The following KATNBL1 variants were observed in gnomAD, a reference collection of about 807,000 sequenced individuals.
The protein encoded by KATNBL1 is katanin regulatory subunit B1 like 1.
Under a neutral mutation model 44.7 loss-of-function variants are expected in KATNBL1, and 28 were observed. That is an observed-to-expected ratio of 0.63 (90% CI 0.46 to 0.86). The LOEUF (loss-of-function observed/expected upper bound fraction) is 0.86, where lower values mean the gene tolerates loss of function less well. KATNBL1 is among the 40% of genes least tolerant of loss of function. The probability of loss-of-function intolerance (pLI) is 0.00; values close to 1 mark genes in which losing one functional copy is unlikely to be tolerated. For missense variants in KATNBL1, 272 were observed against 350.7 expected (o/e 0.78, Z 1.79); for synonymous variants, 78 against 114.9 (o/e 0.68, Z 2.06).
Position 34,178,929 on chromosome 15 carries a change from T to C in KATNBL1, c.-14-15239A>G, listed in dbSNP as rs113022926. Among the ~76,000 whole-genome samples, 1,131 of 152,268 alleles carry C rather than the reference T, an allele frequency of 7.4e-3. 15 individuals carry two copies. The highest frequency in any genetic ancestry group is 0.025 in the African/African-American group (1,052 of 41,536). ...TGCAGTATTTCCATAACCACAGTAT[T>C]ATCTGTAGTTATGTTTCAAAATGCA... is the stretch of plus-strand genomic sequence containing the variant. On this transcript the variant is annotated intron_variant, in intron 1 of 9. Coordinates refer to ENST00000256544, the MANE Select transcript of KATNBL1 (RefSeq NM_024713.3).
chr15:34,207,201 G>A (rs1014097910), intron 1 of KATNBL1, among the ~76,000 whole-genome samples: 2 of 151,442 alleles, frequency 1.3e-5, no homozygotes, highest in African/African-American at 4.9e-5. Flanking sequence ...CACTACACCT[G>A]CCTAATTTTA....
intron 9 of KATNBL1, among the ~76,000 whole-genome samples, chr15:34,143,597 C>CATG (rs1888215720): frequency 6.6e-6 from 1 of 151,386 alleles, no homozygotes; most frequent in Non-Finnish European, 1.5e-5. Context: ...GCTCTAAAAA[C>CATG]CTAAAACAAC....
chr15:34,206,811 A>T (rs1474615866), intron 1 of KATNBL1, among the ~76,000 whole-genome samples: 1 of 152,014 alleles, frequency 6.6e-6, no homozygotes. Flanking sequence ...AAAAGAAAAG[A>T]AAAGTCAAAT....
chr15:34,154,415 C>T (rs1372085423), intron 3 of KATNBL1, among the ~76,000 whole-genome samples: 1 of 152,198 alleles, frequency 6.6e-6, no homozygotes. Flanking sequence ...TAAGTTTTCT[C>T]ATCAACTGTT....
At chr15:34,206,864 AC>A (rs1159648305) in intron 1 of KATNBL1, among the ~76,000 whole-genome samples, 1 of 152,110 alleles carries the variant, frequency 6.6e-6, no homozygotes, top group African/African-American at 2.4e-5. Context: ...CAGTAAAAGT[AC>A]CATTTGTATT....
At chr15:34,199,218 C>A (rs1890103410) in intron 1 of KATNBL1, among the ~76,000 whole-genome samples, 1 of 152,216 alleles carries the variant, frequency 6.6e-6, no homozygotes, top group African/African-American at 2.4e-5. Context: ...GTGGGCGGAT[C>A]ACGAGGTCAG....
In KATNBL1 at chr15:34,141,600, C is replaced by A. The variant is rs973707095; in HGVS notation, c.*739G>T. ...TTCATACATGACATGATGATTCTGG[C>A]AAAAAATATCAGAGATACTAAAACT... On this transcript the variant is annotated 3_prime_UTR_variant, in exon 10 of 10. Transcript: ENST00000256544. 1 of 152,378 alleles carries A rather than the reference C, an allele frequency of 6.6e-6. No homozygotes were observed. The highest frequency in any genetic ancestry group is 2.4e-5 in the African/African-American group (1 of 41,400). 9.4% of individuals were successfully genotyped at this position (152,378 alleles called of 1,614,324 possible).
chr15:34,195,085 C>T (rs1047273338), intron 1 of KATNBL1, among the ~76,000 whole-genome samples: 1 of 152,064 alleles, frequency 6.6e-6, no homozygotes, highest in African/African-American at 2.4e-5. Flanking sequence ...TCCAGCAATC[C>T]CACTACTGGG....
chr15:34,187,311 G>A (rs189858679), intron 1 of KATNBL1, among the ~76,000 whole-genome samples: 3 of 152,196 alleles, frequency 2.0e-5, no homozygotes, highest in Admixed American at 1.3e-4. Flanking sequence ...TCAACTGGAC[G>A]ACCTGCCTAC....
In KATNBL1 at chr15:34,148,916, C is replaced by A. The variant is rs145906288; in HGVS notation, c.439-166G>T. On this transcript the variant is annotated intron_variant, in intron 4 of 9. Coordinates refer to ENST00000256544, the MANE Select transcript of KATNBL1 (RefSeq NM_024713.3). Reference sequence around the variant, plus strand: ...CAGTTGACCACAGTAAACAAATGATCTGAACAAATTTAAGACCCATTTATA... The same window carrying A: ...CAGTTGACCACAGTAAACAAATGATATGAACAAATTTAAGACCCATTTATA... Among the ~76,000 whole-genome samples, 606 of 152,292 alleles carry A rather than the reference C, an allele frequency of 4.0e-3. 6 individuals carry two copies. The highest frequency in any genetic ancestry group is 0.014 in the African/African-American group (587 of 41,550).
intron 1 of KATNBL1, among the ~76,000 whole-genome samples, chr15:34,175,552 A>T (rs1462269138): frequency 6.6e-6 from 1 of 152,208 alleles, no homozygotes; most frequent in East Asian, 1.9e-4. Flanking sequence ...AAACTTTTTA[A>T]GAATGAAGGA....
At chr15:34,143,003 C>T (rs1476616588) in intron 9 of KATNBL1, 4 of 1,208,646 alleles carry the variant, frequency 3.3e-6, no homozygotes, top group African/African-American at 1.6e-5. Flanking sequence ...AGCCACCTTG[C>T]CCGGCCCTCT....
intron 1 of KATNBL1, among the ~76,000 whole-genome samples, chr15:34,171,192 A>G (rs1218751294): frequency 6.6e-6 from 1 of 152,254 alleles, no homozygotes; most frequent in Non-Finnish European, 1.5e-5. Flanking sequence ...CCCATCTGAC[A>G]AAGGGCTAAT....
chr15:34,200,163 T>TCACCTCTCACCTACTCGGAA (rs755861964), intron 1 of KATNBL1, among the ~76,000 whole-genome samples: 50 of 152,268 alleles, frequency 3.3e-4, no homozygotes, highest in Non-Finnish European at 4.7e-4. Context: ...CCAGCTGGCT[T>TCACCTCTCACCTACTCGGAA]CACCTCTCAC....
intron 1 of KATNBL1, among the ~76,000 whole-genome samples, chr15:34,192,660 G>T (rs185808779): frequency 6.6e-6 from 1 of 152,298 alleles, no homozygotes; most frequent in African/African-American, 2.4e-5. Context: ...AACAAAAACA[G>T]ACGTGTGTAG....
rs560377487 is a variant in KATNBL1 at position 34,191,276 on chromosome 15, T to G, written c.-15+18675A>C. On this transcript the variant is annotated intron_variant, in intron 1 of 9. Transcript: ENST00000256544. ...GTATCAATGGTCTATTCCTTTTTAT[T>G]GTTAACAGACTGTTAACATAACAGT... 5.5e-4 allele frequency among the ~76,000 whole-genome samples: 84 copies of G among 151,686 alleles called. 2 individuals carry two copies. The South Asian group carries it at 0.016, about 29-fold the overall frequency.
Position 34,140,681 on chromosome 15 carries a change from A to C in KATNBL1, c.*1658T>G, listed in dbSNP as rs1246308084. 6.6e-6 allele frequency: 1 copy of C among 152,186 alleles called. No homozygotes were observed. The highest frequency in any genetic ancestry group is 1.5e-5 in the Non-Finnish European group (1 of 68,012). The allele number at this position is 152,186 out of a possible 1,614,324, so 9.4% of individuals were successfully genotyped here. ...CAGTGATAACTACAGGAATAAGCACAAAGAAAGGTTATATTTTATCATGTT... is the reference window on the plus strand; with the variant it reads ...CAGTGATAACTACAGGAATAAGCACCAAGAAAGGTTATATTTTATCATGTT... On this transcript the variant is annotated 3_prime_UTR_variant, in exon 10 of 10. Coordinates refer to ENST00000256544, the MANE Select transcript of KATNBL1 (RefSeq NM_024713.3).
chr15:34,196,340 C>G (rs900364994), intron 1 of KATNBL1, among the ~76,000 whole-genome samples: 4 of 152,164 alleles, frequency 2.6e-5, no homozygotes, highest in Admixed American at 6.5e-5. Context: ...ATCGCGTGAA[C>G]CCGGGAGGTG....
chr15:34,179,055 T>G (rs181824765), intron 1 of KATNBL1, among the ~76,000 whole-genome samples: 1 of 152,340 alleles, frequency 6.6e-6, no homozygotes, highest in East Asian at 1.9e-4. Flanking sequence ...TTAAAAAGAC[T>G]ATTTTCAAAG....
Sources: gnomAD v4.1 joint callset for allele counts (sites outside exome capture counted in the v4.1 genomes callset) on GRCh38, gnomAD v4.1.1 for gene constraint, MANE v1.5 for transcripts, NCBI Gene and HGNC (gene_info 2026-07-23, HGNC 2026-07-21) for gene names.